The following INTS8 variants were observed in gnomAD, a reference collection of about 807,000 sequenced individuals.
INTS8 encodes protein kaonashi-1.
INTS8 carries 47 observed loss-of-function variants against 138.9 expected under a neutral mutation model. That is an observed-to-expected ratio of 0.34 (90% confidence interval 0.27 to 0.43). INTS8 has a LOEUF of 0.43. Among genes scored for constraint, INTS8 ranks in the 20% least tolerant of loss-of-function variants. INTS8 has a pLI of 1.00. For missense variants in INTS8, 996 were observed against 1,173.0 expected (o/e 0.85, Z 2.20); for synonymous variants, 392 against 400.9 (o/e 0.98, Z 0.27).
At chr8:94,862,289 A>G (rs532296632) in intron 16 of INTS8, among the ~76,000 whole-genome samples, 27 of 152,250 alleles carry the variant, frequency 1.8e-4, no homozygotes, top group Non-Finnish European at 3.4e-4. Flanking sequence ...GTGAGTTCTT[A>G]ATATATTGGG....
intron 16 of INTS8, among the ~76,000 whole-genome samples, chr8:94,860,990 G>A (rs535306126): frequency 6.7e-6 from 1 of 148,856 alleles, no homozygotes; most frequent in South Asian, 2.1e-4. Context: ...CCGGGAGGCG[G>A]AGCTTGCAGT....
chr8:94,826,641 A>G (rs12677346), intron 2 of INTS8, among the ~76,000 whole-genome samples: 115,726 of 152,032 alleles, frequency 0.76, 44,119 homozygotes, highest in Middle Eastern at 0.81. Flanking sequence ...AATTTTTTGA[A>G]ATATATTCTG....
chr8:94,871,648 A>G (rs925573795), intron 20 of INTS8, among the ~76,000 whole-genome samples: 1 of 152,348 alleles, frequency 6.6e-6, no homozygotes, highest in African/African-American at 2.4e-5. Flanking sequence ...TACCTTTGAC[A>G]TTCTGAAGAA....
chr8:94,872,275 C>T (rs547852071), intron 21 of INTS8, among the ~76,000 whole-genome samples: 4 of 151,974 alleles, frequency 2.6e-5, no homozygotes, highest in African/African-American at 9.7e-5. Context: ...GTTCTGTTGC[C>T]CAGGCTGGAG....
chr8:94,838,302 G>A (rs1191577326), intron 7 of INTS8, among the ~76,000 whole-genome samples, 161 bp from the exon 8 acceptor site: 1 of 152,100 alleles, frequency 6.6e-6, no homozygotes, highest in East Asian at 1.9e-4. Context: ...CGCCAGTCTC[G>A]GCCTCCCAAA....
At chr8:94,832,241 C>T (rs1218952381) in intron 6 of INTS8, 67 bp downstream of exon 6, 1 of 1,113,338 alleles carries the variant, frequency 9.0e-7, no homozygotes, top group Non-Finnish European at 1.3e-6. Flanking sequence ...GATCATCCTC[C>T]TATTTTTAAT....
intron 17 of INTS8, 39 bp from the exon 18 acceptor site, chr8:94,866,119 C>T (rs1816167655): frequency 1.2e-6 from 1 of 831,594 alleles, no homozygotes; most frequent in Non-Finnish European, 2.0e-6. Flanking sequence ...TTTTTTATTT[C>T]TAATATTAAA....
In INTS8 at chr8:94,862,569, C is replaced by G. The variant is rs114036384; in HGVS notation, c.2076+2937C>G. ...AAATTGTTTTGTTGGTTGCCTAACT[C>G]TGGGAGAGGCTGTCTCACTGCTTCC... On this transcript the variant is annotated intron_variant, in intron 16 of 26. Coordinates refer to ENST00000523731, the MANE Select transcript of INTS8 (RefSeq NM_017864.4). Among the ~76,000 whole-genome samples, 1,081 of 152,300 alleles carry G rather than the reference C, an allele frequency of 7.1e-3. 12 individuals carry two copies. Among genetic ancestry groups the G allele is most frequent in the African/African-American group, 0.025 (1,023 of 41,566 alleles).
chr8:94,861,455 G>A (rs967713529), intron 16 of INTS8, among the ~76,000 whole-genome samples: 30 of 151,584 alleles, frequency 2.0e-4, no homozygotes, highest in Admixed American at 1.4e-3. Flanking sequence ...TGGTGACGGG[G>A]TTTCACCGTG....
Position 94,867,380 on chromosome 8 carries a change from A to G in INTS8, c.2414+43A>G, listed in dbSNP as rs755377843. The stretch of plus-strand genomic sequence containing the variant: ...TTTTATTTTATTAATTGAGTTATGT[A>G]TTTGGAAACCATTCTGACTAGTATA... On this transcript the variant is annotated intron_variant, in intron 20 of 26. Coordinates refer to ENST00000523731, the MANE Select transcript of INTS8 (RefSeq NM_017864.4). 8 of 1,461,418 alleles carry G rather than the reference A, an allele frequency of 5.5e-6. No individual in the cohort carries two copies. The South Asian group carries it at 6.0e-5, about 11-fold the overall frequency. The allele number at this position is 1,461,418 out of a possible 1,614,324, so 90.5% of individuals were successfully genotyped here.
intron 10 of INTS8, among the ~76,000 whole-genome samples, chr8:94,843,247 T>C (rs577290011): frequency 6.6e-6 from 1 of 152,356 alleles, no homozygotes; most frequent in East Asian, 1.9e-4. Context: ...TCAAGTTGTA[T>C]ATAAATAACA....
chr8:94,841,728 T>C (rs1168967471), intron 9 of INTS8, 137 bp downstream of exon 9: 3 of 560,072 alleles, frequency 5.4e-6, no homozygotes, highest in Non-Finnish European at 9.5e-6. Context: ...GAAATTAACA[T>C]AGGGTGGAGG....
At chr8:94,844,141 C>T (rs1490881385) in intron 10 of INTS8, among the ~76,000 whole-genome samples, 3 of 151,342 alleles carry the variant, frequency 2.0e-5, no homozygotes, top group South Asian at 2.1e-4. Flanking sequence ...CAGGTTCAAG[C>T]GATTCTCCTG....
chr8:94,823,448 C>T lies in INTS8; in HGVS notation c.17C>T (p.Ala6Val), dbSNP rs1814355765. The change falls in exon 1 of 27, where the codon GCG (alanine) becomes GTG (valine). Residue 6 changes from alanine (A) to valine (V), a missense_variant. Transcript: ENST00000523731. MSAEAADREAATSSRP... is the reference protein window; with the variant it reads MSAEAVDREAATSSRP... ...GGGGGCAGGATGAGCGCGGAGGCGGCGGACCGGGAGGCGGCCACCTCCAGC... is the reference window on the plus strand; with the variant it reads ...GGGGGCAGGATGAGCGCGGAGGCGGTGGACCGGGAGGCGGCCACCTCCAGC... The T allele has an allele frequency of 6.5e-7, 1 of 1,536,286 alleles. No homozygotes were observed. The highest frequency in any genetic ancestry group is 2.5e-5 in the East Asian group (1 of 40,812).
intron 10 of INTS8, among the ~76,000 whole-genome samples, chr8:94,846,363 A>G (rs989666315): frequency 6.6e-6 from 1 of 152,076 alleles, no homozygotes; most frequent in Non-Finnish European, 1.5e-5. Flanking sequence ...CAACCTCTGC[A>G]TCCCAGGTTC....
chr8:94,831,393 C>T (rs536857142), intron 5 of INTS8, among the ~76,000 whole-genome samples: 229 of 151,212 alleles, frequency 1.5e-3, no homozygotes, highest in African/African-American at 5.2e-3. Flanking sequence ...GTTGGGATTA[C>T]GGGTGTGAGC....
Position 94,856,847 on chromosome 8 carries a change from G to A in INTS8, c.1823G>A (p.Arg608His). 3 of 1,614,032 alleles carry A rather than the reference G, an allele frequency of 1.9e-6. No individual in the cohort carries two copies. The highest frequency in any genetic ancestry group is 2.5e-6 in the Non-Finnish European group (3 of 1,180,000). ...GTAACAGAGTTCTCACCGAAGCTTC[G>A]TCAGGTCATGCTGAATGAGATGTTG... ...ELVTEFSPKLRQVMLNEMLLL... is the reference protein window; with the variant it reads ...ELVTEFSPKLHQVMLNEMLLL... Residue 608 changes from arginine to histidine, a missense_variant, in exon 15 of 27, where the codon CGT becomes CAT. By Grantham distance (29) the Arg-to-His change is conservative (BLOSUM62 0). Coordinates refer to ENST00000523731, the MANE Select transcript of INTS8 (RefSeq NM_017864.4).
chr8:94,867,146 C>T lies in INTS8; in HGVS notation c.2302C>T (p.Leu768Phe). The T allele has an allele frequency of 1.2e-6, 2 of 1,607,766 alleles. No homozygotes were observed. Among genetic ancestry groups the T allele is most frequent in the Non-Finnish European group, 1.7e-6 (2 of 1,175,950 alleles). Reference sequence around the variant, plus strand: ...TGTGTTTTCTTTCTCATAGGAACCACTCGTTTTGACTATTATTTTATCACT... The same window carrying T: ...TGTGTTTTCTTTCTCATAGGAACCATTCGTTTTGACTATTATTTTATCACT... ...LSFIKKLREP[L>F]VLTIILSLFV... The change falls in exon 19 of 27, where the codon CTC becomes TTC. Residue 768 changes from leucine (L) to phenylalanine (F), a missense_variant. Coordinates refer to ENST00000523731, the MANE Select transcript of INTS8 (RefSeq NM_017864.4).
At chr8:94,838,751 A>G in intron 8 of INTS8, 133 bp downstream of exon 8, 1 of 616,674 alleles carries the variant, frequency 1.6e-6, no homozygotes. Flanking sequence ...CCTGTAACAT[A>G]ATGGTAATAA....
Sources: gnomAD v4.1 joint callset for allele counts (sites outside exome capture counted in the v4.1 genomes callset) on GRCh38, gnomAD v4.1.1 for gene constraint, MANE v1.5 for transcripts, NCBI Gene and HGNC (gene_info 2026-07-23, HGNC 2026-07-21) for gene names.